Variants in BDNF observed in about 807,000 individuals in gnomAD.
BDNF encodes the protein brain derived neurotrophic factor.
A neutral mutation model predicts 19.5 loss-of-function variants in BDNF; 1 was observed. That is an observed-to-expected ratio of 0.05 (90% CI 0.02 to 0.24). The LOEUF (loss-of-function observed/expected upper bound fraction) is 0.24. Ranked by LOEUF, BDNF falls within the 10% of genes least tolerant of loss-of-function variation. BDNF has a pLI of 1.00. For synonymous variants in BDNF, 100 were observed against 121.6 expected (o/e 0.82, Z 1.17); for missense variants, 195 against 317.6 (o/e 0.61, Z 2.93).
chr11:27,692,804 C>T (rs1185043194), intron 1 of BDNF, among the ~76,000 whole-genome samples: 1 of 152,170 alleles, frequency 6.6e-6, no homozygotes, highest in African/African-American at 2.4e-5. Flanking sequence ...ACACAAATTA[C>T]ACTTATGACA....
chr11:27,702,797 T>G (rs75604321), upstream of BDNF, among the ~76,000 whole-genome samples: 245 of 152,308 alleles, frequency 1.6e-3, no homozygotes, highest in African/African-American at 5.8e-3. Flanking sequence ...TCCGATCCTC[T>G]GCCAGGAAAT....
chr11:27,663,244 C>T (rs902934991), intron 1 of BDNF, among the ~76,000 whole-genome samples: 1 of 152,166 alleles, frequency 6.6e-6, no homozygotes, highest in Non-Finnish European at 1.5e-5. Flanking sequence ...TATTGCTAAG[C>T]AGATTATATA....
intron 1 of BDNF, among the ~76,000 whole-genome samples, chr11:27,712,606 C>G (rs943171730): frequency 4.0e-5 from 6 of 151,512 alleles, no homozygotes; most frequent in African/African-American, 1.5e-4. Flanking sequence ...ACCTCCACCT[C>G]CCAGATTCAA....
intron 1 of BDNF, among the ~76,000 whole-genome samples, chr11:27,680,767 G>A (rs1349693531): frequency 6.6e-6 from 1 of 152,102 alleles, no homozygotes; most frequent in Non-Finnish European, 1.5e-5. Context: ...CTGGGATAAG[G>A]ACTATATCTC....
At chr11:27,674,594 A>T in intron 1 of BDNF, 1 of 985,250 alleles carries the variant, frequency 1.0e-6, no homozygotes, top group Non-Finnish European at 1.2e-6. Context: ...TAGATGACAA[A>T]AGATCCATAT....
chr11:27,700,997 G>A, upstream of BDNF: 4 of 1,361,828 alleles, frequency 2.9e-6, no homozygotes, highest in South Asian at 4.7e-5. Context: ...GCACTACGGA[G>A]CTTGCGAACG....
At chr11:27,668,524 AAAG>A (rs1442790216) in intron 1 of BDNF, among the ~76,000 whole-genome samples, 40 of 152,204 alleles carry the variant, frequency 2.6e-4, no homozygotes, top group African/African-American at 9.6e-4. Flanking sequence ...CAAGACTAAT[AAAG>A]AAGAAAAGAG....
At chr11:27,681,137 A>G (rs1856785850) in intron 1 of BDNF, among the ~76,000 whole-genome samples, 1 of 152,050 alleles carries the variant, frequency 6.6e-6, no homozygotes, top group Non-Finnish European at 1.5e-5. Flanking sequence ...GGATGGGGGA[A>G]AGGGATTTCC....
chr11:27,721,087 T>C (rs1860729278), intron 1 of BDNF, among the ~76,000 whole-genome samples: 1 of 148,888 alleles, frequency 6.7e-6, no homozygotes, highest in South Asian at 2.2e-4. Flanking sequence ...TGCCCACATA[T>C]AAATCATAGA....
At chr11:27,670,950 A>C (rs1000117382) in intron 1 of BDNF, among the ~76,000 whole-genome samples, 3 of 152,216 alleles carry the variant, frequency 2.0e-5, no homozygotes, top group African/African-American at 7.2e-5. Context: ...ATAAAGACAC[A>C]TGCACACGTA....
At chr11:27,721,772 G>C in exon 1 of BDNF, 1 of 356,472 alleles carries the variant, frequency 2.8e-6, no homozygotes, top group Non-Finnish European at 5.2e-6. Flanking sequence ...TATGTAGCAG[G>C]TGTTTCCTAG....
At chr11:27,682,851 T>C (rs182807773) in intron 1 of BDNF, among the ~76,000 whole-genome samples, 153 of 152,336 alleles carry the variant, frequency 1.0e-3, no homozygotes, top group Non-Finnish European at 1.8e-3. Flanking sequence ...CTATTGTGAA[T>C]AGTGCCACAA....
chr11:27,686,409 T>C (rs1237084955), intron 1 of BDNF, among the ~76,000 whole-genome samples: 2 of 152,224 alleles, frequency 1.3e-5, no homozygotes, highest in African/African-American at 4.8e-5. Context: ...TTAAGGTTAA[T>C]ATTGTTATGT....
intron 1 of BDNF, among the ~76,000 whole-genome samples, chr11:27,668,763 T>C (rs766111213): frequency 1.3e-5 from 2 of 152,198 alleles, no homozygotes; most frequent in Non-Finnish European, 1.5e-5. Context: ...ATTGAGGCAA[T>C]AATTAATAGC....
Position 27,657,785 on chromosome 11 carries a change from G to T in BDNF, c.*36C>A, listed in dbSNP as rs1028986808. ...GTATATATACAAATAGATAATTTTT[G>T]TCTCAATATAATCTAATCTATACAA... On this transcript the variant is annotated 3_prime_UTR_variant, in exon 2 of 2. Transcript: ENST00000356660. The surrounding 1 kb of genome is among the most constrained non-coding windows in gnomAD (Gnocchi z 5.0). 6.2e-7 allele frequency: 1 copy of T among 1,605,782 alleles called. No individual in the cohort carries two copies. Among genetic ancestry groups the T allele is most frequent in the African/African-American group, 1.3e-5 (1 of 74,640 alleles).
chr11:27,711,764 C>A (rs963682255), intron 1 of BDNF, among the ~76,000 whole-genome samples: 3 of 152,178 alleles, frequency 2.0e-5, no homozygotes, highest in African/African-American at 7.2e-5. Flanking sequence ...AAACAAATAA[C>A]AGCACTGGAT....
intron 1 of BDNF, among the ~76,000 whole-genome samples, chr11:27,678,680 A>T (rs1052901402): frequency 6.6e-6 from 1 of 152,234 alleles, no homozygotes; most frequent in African/African-American, 2.4e-5. Context: ...TCATACACAG[A>T]TAGGCCTCCA....
At position 27,657,541 on chromosome 11, in the gene BDNF, T is replaced by A. The variant is rs1852732040; in HGVS notation, c.*280A>T. ...GCAGCATGCAATTTATTATTTTTTTTAACTTTTTATGTTTTCAGTTCTTGG... is the reference window on the plus strand; with the variant it reads ...GCAGCATGCAATTTATTATTTTTTTAAACTTTTTATGTTTTCAGTTCTTGG... On this transcript the variant is annotated 3_prime_UTR_variant, in exon 2 of 2. Transcript: ENST00000356660. This position sits in a 1 kb window ranked among gnomAD's most constrained non-coding sequence, Gnocchi z 5.0. The A allele has an allele frequency of 8.5e-7, 1 of 1,173,422 alleles. No individual in the cohort carries two copies. Among genetic ancestry groups the A allele is most frequent in the Non-Finnish European group, 1.1e-6 (1 of 947,816 alleles). 72.7% of individuals were successfully genotyped at this position (1,173,422 alleles called of 1,614,324 possible).
intron 1 of BDNF, among the ~76,000 whole-genome samples, chr11:27,686,609 T>C (rs1274657604): frequency 2.0e-5 from 3 of 152,220 alleles, no homozygotes; most frequent in Non-Finnish European, 2.9e-5. Context: ...ACAAAATCTC[T>C]CAGCATTTGC....
Sources: gnomAD v4.1 joint callset for allele counts (sites outside exome capture counted in the v4.1 genomes callset) on GRCh38, gnomAD v4.1.1 for gene constraint, Gnocchi (gnomAD v3.1) non-coding constraint, MANE v1.5 for transcripts, NCBI Gene and HGNC (gene_info 2026-07-23, HGNC 2026-07-21) for gene names.